TRDN: variants seen among roughly 807,000 people sequenced by gnomAD.
TRDN encodes triadin in skeletal muscle.
TRDN carries 161 observed loss-of-function variants against 149.7 expected under a neutral mutation model. That is an observed-to-expected ratio of 1.08 (90% CI 0.95 to 1.23). The LOEUF is 1.23. Ranked by LOEUF, TRDN falls within the 50% of genes most tolerant of loss-of-function variation. The pLI is 0.00. For synonymous variants in TRDN, 294 were observed against 250.5 expected, an observed-to-expected ratio of 1.17 and a Z score of -1.64; for missense variants, 896 against 823.5, an observed-to-expected ratio of 1.09 and a Z score of -1.08.
chr6:123,621,798 G>T (rs1233023657), intron 1 of TRDN, among the ~76,000 whole-genome samples: 1 of 152,110 alleles, frequency 6.6e-6, no homozygotes, highest in Admixed American at 6.6e-5. Context: ...TGGTTCCCTG[G>T]AGAGGAAAGT....
intron 38 of TRDN, among the ~76,000 whole-genome samples, chr6:123,239,489 T>G (rs1055761221): frequency 1.3e-5 from 2 of 152,142 alleles, no homozygotes; most frequent in Non-Finnish European, 2.9e-5. Flanking sequence ...TTACTGAAAC[T>G]AATATATTAG....
chr6:123,240,689 A>G (rs1775957880), intron 38 of TRDN, among the ~76,000 whole-genome samples: 1 of 151,924 alleles, frequency 6.6e-6, no homozygotes, highest in Admixed American at 6.6e-5. Context: ...TTAAGCAAAC[A>G]ATGTTTAAAG....
At position 123,306,054 on chromosome 6, in the gene TRDN, C is replaced by T. The variant is rs1381488347; in HGVS notation, c.1510+10403G>A. Reference sequence around the variant, plus strand: ...ACTGGATTTATTATATGTTTACTGACGGTTTTTTGTATGATAATTTTTAAG... The same window carrying T: ...ACTGGATTTATTATATGTTTACTGATGGTTTTTTGTATGATAATTTTTAAG... On this transcript the variant is annotated intron_variant, in intron 24 of 40. Coordinates refer to ENST00000334268, the MANE Select transcript of TRDN (RefSeq NM_006073.4). 5.9e-5 allele frequency among the ~76,000 whole-genome samples: 9 copies of T among 152,088 alleles called. 1 individual carries two copies. The highest frequency in any genetic ancestry group is 2.1e-4 in the South Asian group (1 of 4,832).
At chr6:123,549,731 A>G (rs1408636556) in intron 2 of TRDN, among the ~76,000 whole-genome samples, 3 of 152,062 alleles carry the variant, frequency 2.0e-5, no homozygotes, top group Non-Finnish European at 4.4e-5. Context: ...GCCAACTGAA[A>G]TCATCCAAGA....
chr6:123,332,794 G>T (rs1310152088), intron 22 of TRDN, among the ~76,000 whole-genome samples: 2 of 151,992 alleles, frequency 1.3e-5, no homozygotes, highest in Non-Finnish European at 2.9e-5. Flanking sequence ...AGACTGTGAT[G>T]GTGGTGCTTG....
intron 12 of TRDN, among the ~76,000 whole-genome samples, chr6:123,433,096 T>C (rs1774398261): frequency 6.9e-6 from 1 of 144,796 alleles, no homozygotes; most frequent in Non-Finnish European, 1.5e-5. Context: ...TTCCTGCATA[T>C]TCTGACTCCT....
At chr6:123,252,031 C>A (rs1435111974) in intron 38 of TRDN, among the ~76,000 whole-genome samples, 1 of 152,042 alleles carries the variant, frequency 6.6e-6, no homozygotes, top group Non-Finnish European at 1.5e-5. Context: ...TAGAAAACAG[C>A]AGCAAAAGCA....
chr6:123,349,343 C>T (rs922769398), intron 21 of TRDN: 3 of 165,966 alleles, frequency 1.8e-5, no homozygotes, highest in Non-Finnish European at 3.7e-5. Flanking sequence ...CAATATAGAC[C>T]ATCTTCTCTC....
chr6:123,260,279 T>C (rs1179400009), intron 34 of TRDN, among the ~76,000 whole-genome samples: 1 of 152,054 alleles, frequency 6.6e-6, no homozygotes, highest in Non-Finnish European at 1.5e-5. Flanking sequence ...GCAATAAAAA[T>C]GTAACATAAT....
chr6:123,459,468 G>A (rs1776325324), intron 10 of TRDN, among the ~76,000 whole-genome samples: 1 of 152,114 alleles, frequency 6.6e-6, no homozygotes, highest in Non-Finnish European at 1.5e-5. Context: ...TGTTCTGATT[G>A]GACATCTCTT....
intron 8 of TRDN, chr6:123,503,383 C>A: frequency 2.0e-6 from 2 of 985,296 alleles, no homozygotes; most frequent in East Asian, 2.3e-4. Flanking sequence ...AAGAGTATGA[C>A]ACATACAATC....
At chr6:123,598,355 T>A (rs1288311380) in intron 1 of TRDN, among the ~76,000 whole-genome samples, 1 of 152,074 alleles carries the variant, frequency 6.6e-6, no homozygotes, top group Non-Finnish European at 1.5e-5. Flanking sequence ...GTATTGTATG[T>A]ATATTTTCCA....
At chr6:123,581,795 A>G (rs1008681618) in intron 1 of TRDN, among the ~76,000 whole-genome samples, 1 of 152,210 alleles carries the variant, frequency 6.6e-6, no homozygotes, top group Non-Finnish European at 1.5e-5. Context: ...GAAAGCATAT[A>G]TTCAGTAAAT....
chr6:123,316,303 A>T (rs1209230851), intron 24 of TRDN, among the ~76,000 whole-genome samples, 154 bp downstream of exon 24: 1 of 151,890 alleles, frequency 6.6e-6, no homozygotes, highest in Non-Finnish European at 1.5e-5. Flanking sequence ...ATTGCTTATT[A>T]CTTGTAAAAT....
chr6:123,513,203 T>C (rs1583171041), intron 6 of TRDN, among the ~76,000 whole-genome samples: 2 of 152,216 alleles, frequency 1.3e-5, no homozygotes, highest in Non-Finnish European at 1.5e-5. Context: ...CTTGGGATTA[T>C]GGGTAATAGA....
At chr6:123,562,024 A>T (rs1214873403) in intron 2 of TRDN, among the ~76,000 whole-genome samples, 2 of 152,128 alleles carry the variant, frequency 1.3e-5, no homozygotes, top group Admixed American at 1.3e-4. Flanking sequence ...GCCTTAACTG[A>T]TGACATTCCA....
intron 24 of TRDN, among the ~76,000 whole-genome samples, chr6:123,292,822 C>T (rs1778057986): frequency 6.6e-6 from 1 of 152,182 alleles, no homozygotes; most frequent in Non-Finnish European, 1.5e-5. Flanking sequence ...ATCAACATCT[C>T]AGCCAGAAGT....
chr6:123,483,575 G>T (rs1012175939), intron 9 of TRDN, among the ~76,000 whole-genome samples: 4 of 152,078 alleles, frequency 2.6e-5, no homozygotes, highest in Non-Finnish European at 5.9e-5. Flanking sequence ...CCTTGATAAG[G>T]CCTGTTCTAA....
chr6:123,525,271 T>C (rs1779887337), intron 5 of TRDN, among the ~76,000 whole-genome samples: 1 of 152,052 alleles, frequency 6.6e-6, no homozygotes, highest in South Asian at 2.1e-4. Context: ...ATCACAGCAC[T>C]ATTCGCAGTG....
Sources: gnomAD v4.1 joint callset for allele counts (sites outside exome capture counted in the v4.1 genomes callset) on GRCh38, gnomAD v4.1.1 for gene constraint, MANE v1.5 for transcripts, NCBI Gene and HGNC (gene_info 2026-07-23, HGNC 2026-07-21) for gene names.